IDH3A: variants seen among roughly 807,000 people sequenced by gnomAD.
IDH3A encodes isocitrate dehydrogenase (NAD(+)) 3 catalytic subunit alpha.
A neutral mutation model predicts 43.3 loss-of-function variants in IDH3A; 23 were observed. The ratio of observed to expected loss-of-function variants is 0.53; its 90% CI spans 0.38 to 0.75. IDH3A has a LOEUF of 0.75. Among genes scored for constraint, IDH3A ranks in the 30% least tolerant of loss-of-function variants. The probability of loss-of-function intolerance (pLI) is 0.00; values close to 1 mark genes in which losing one functional copy is unlikely to be tolerated. For synonymous variants in IDH3A, 154 were observed against 163.5 expected (o/e 0.94, Z 0.44); for missense variants, 329 against 474.4 (o/e 0.69, Z 2.85).
intron 6 of IDH3A, among the ~76,000 whole-genome samples, 197 bp from the exon 7 acceptor site, chr15:78,163,308 CTT>C (rs2074703325): frequency 6.6e-6 from 1 of 152,022 alleles, no homozygotes; most frequent in Non-Finnish European, 1.5e-5. Flanking sequence ...CATTTTTACT[CTT>C]TTATACTTTC....
intron 1 of IDH3A, among the ~76,000 whole-genome samples, chr15:78,149,912 C>T (rs573405188): frequency 2.0e-5 from 3 of 152,398 alleles, no homozygotes; most frequent in African/African-American, 7.2e-5. Context: ...GTGCCACGGG[C>T]ACTGGCGTTG....
chr15:78,160,299 T>G (rs2074668325), intron 4 of IDH3A, 93 bp downstream of exon 4: 7 of 686,332 alleles, frequency 1.0e-5, no homozygotes, highest in Non-Finnish European at 1.8e-5. Flanking sequence ...GAATAAGGCC[T>G]GGCCATCTGT....
chr15:78,151,967 C>CT (rs2074579791), intron 1 of IDH3A, among the ~76,000 whole-genome samples: 2 of 150,914 alleles, frequency 1.3e-5, no homozygotes, highest in Non-Finnish European at 2.9e-5. Context: ...GTCAGGTCTT[C>CT]TGTCACAGAG....
chr15:78,167,003 G>A (rs1236817622), intron 10 of IDH3A, among the ~76,000 whole-genome samples: 1 of 152,194 alleles, frequency 6.6e-6, no homozygotes, highest in Non-Finnish European at 1.5e-5. Flanking sequence ...CTTATAAGGT[G>A]TGAAGAGTAA....
At position 78,171,356 on chromosome 15, in the gene IDH3A, TG is replaced by T; in HGVS notation, c.*2352del. 1 of 1,111,930 alleles carries T rather than the reference TG, an allele frequency of 9.0e-7. No individual in the cohort carries two copies. The highest frequency in any genetic ancestry group is 1.3e-6 in the Non-Finnish European group (1 of 755,056). 68.9% of individuals were successfully genotyped at this position (1,111,930 alleles called of 1,614,324 possible). A position where few individuals can be genotyped will look rare whatever the true frequency, so the allele number is the denominator to read the frequency against. ...ATCTAACAGACTTGGCAGAAATGCCTGTGCCCAGACTGAAGAGACCTGGGGC... is the reference window on the plus strand; with the variant it reads ...ATCTAACAGACTTGGCAGAAATGCCTTGCCCAGACTGAAGAGACCTGGGGC... On this transcript the variant is annotated 3_prime_UTR_variant, in exon 11 of 11. Transcript: ENST00000299518.
intron 1 of IDH3A, chr15:78,151,164 G>A (rs544800383): frequency 6.6e-6 from 1 of 152,322 alleles, no homozygotes; most frequent in South Asian, 2.1e-4. Context: ...TTGACTTCTG[G>A]GCCAGCTTCT....
chr15:78,154,200 A>C (rs1250832213), intron 1 of IDH3A, among the ~76,000 whole-genome samples: 3 of 150,862 alleles, frequency 2.0e-5, no homozygotes, highest in Non-Finnish European at 4.4e-5. Flanking sequence ...AAAAAAAAAA[A>C]AAACACGTAC....
In IDH3A at chr15:78,169,669, C is replaced by G. The variant is rs946707996; in HGVS notation, c.*664C>G. On this transcript the variant is annotated 3_prime_UTR_variant, in exon 11 of 11. Transcript: ENST00000299518. ...AAAGGTAATATATTGGATACAAAGA[C>G]ACAAATGTATTGTGTGTTCAATTAT... is the stretch of plus-strand genomic sequence containing the variant. 1 of 152,160 alleles carries G rather than the reference C, an allele frequency of 6.6e-6. No homozygotes were observed. The highest frequency in any genetic ancestry group is 1.5e-5 in the Non-Finnish European group (1 of 68,016). 9.4% of individuals were successfully genotyped at this position (152,160 alleles called of 1,614,324 possible). A position where few individuals can be genotyped will look rare whatever the true frequency, so the allele number is the denominator to read the frequency against.
intron 3 of IDH3A, among the ~76,000 whole-genome samples, chr15:78,159,661 C>T (rs8032618): frequency 0.54 from 82,310 of 151,928 alleles, 23,172 homozygotes; most frequent in African/African-American, 0.68. Context: ...TGCCAGGAAC[C>T]TTCTGGACCT....
chr15:78,149,482 C>A (rs1438408284), intron 1 of IDH3A, 52 bp downstream of exon 1: 2 of 1,468,710 alleles, frequency 1.4e-6, no homozygotes, highest in Non-Finnish European at 1.8e-6. Context: ...CGAGGGCTGG[C>A]AGGAGAGCCG....
intron 2 of IDH3A, chr15:78,156,854 G>A: frequency 1.5e-6 from 2 of 1,304,350 alleles, no homozygotes; most frequent in Non-Finnish European, 2.0e-6. Context: ...GTCATTCTAA[G>A]TGTGACTCAG....
intron 4 of IDH3A, among the ~76,000 whole-genome samples, chr15:78,160,440 A>G (rs576253504): frequency 6.6e-6 from 1 of 152,286 alleles, no homozygotes; most frequent in East Asian, 1.9e-4. Flanking sequence ...ATCTCTATTT[A>G]ATCTTCAACT....
intron 1 of IDH3A, among the ~76,000 whole-genome samples, chr15:78,154,189 A>G (rs201842519): frequency 0.063 from 4,105 of 65,086 alleles, 141 homozygotes; most frequent in East Asian, 0.21. Flanking sequence ...TTGGAGAGAG[A>G]AAAAAAAAAA....
chr15:78,168,885 G>A (rs534649802), intron 10 of IDH3A, 37 bp from the exon 11 acceptor site: 37 of 1,368,010 alleles, frequency 2.7e-5, no homozygotes, highest in Non-Finnish European at 3.2e-5. Context: ...TTTAGTTTGC[G>A]GATACATCTT....
intron 2 of IDH3A, among the ~76,000 whole-genome samples, chr15:78,156,143 G>A (rs1277614869): frequency 6.6e-6 from 1 of 152,038 alleles, no homozygotes; most frequent in African/African-American, 2.4e-5. Context: ...TGCAGGATGG[G>A]GCTTGCACTT....
intron 4 of IDH3A, 29 bp downstream of exon 4, chr15:78,160,235 T>A: frequency 1.5e-6 from 2 of 1,335,462 alleles, no homozygotes; most frequent in East Asian, 2.3e-5. Flanking sequence ...CGGGGGTTTT[T>A]ACAGATTTCC....
chr15:78,162,673 G>A (rs2074696395), intron 6 of IDH3A, among the ~76,000 whole-genome samples: 1 of 151,512 alleles, frequency 6.6e-6, no homozygotes, highest in Non-Finnish European at 1.5e-5. Context: ...AGCTTCCCGA[G>A]TCACTGGGAC....
intron 1 of IDH3A, among the ~76,000 whole-genome samples, chr15:78,153,137 C>T (rs1353828891): frequency 3.3e-5 from 5 of 151,650 alleles, no homozygotes; most frequent in Non-Finnish European, 7.4e-5. Context: ...TTGTCCATTA[C>T]CTAGGCTGGA....
intron 1 of IDH3A, among the ~76,000 whole-genome samples, chr15:78,152,515 C>T (rs549460737): frequency 6.6e-6 from 1 of 151,766 alleles, no homozygotes; most frequent in Non-Finnish European, 1.5e-5. Flanking sequence ...CATGTGCCAC[C>T]ACGCCTGGCT....
Sources: allele counts gnomAD v4.1 joint callset (sites outside exome capture counted in the v4.1 genomes callset), GRCh38; gene constraint gnomAD v4.1.1; transcripts MANE v1.5; gene names NCBI Gene and HGNC (gene_info 2026-07-23, HGNC 2026-07-21).